The following CEP350 variants were observed in gnomAD, a reference collection of about 807,000 sequenced individuals.
CEP350 encodes the protein centrosome-associated protein 350.
In CEP350, 126 loss-of-function variants were observed where a neutral mutation model predicts 331.8. That is an observed-to-expected ratio of 0.38 (90% CI 0.33 to 0.44). The LOEUF is 0.44. Among genes scored for constraint, CEP350 ranks in the 20% least tolerant of loss-of-function variants. The probability of loss-of-function intolerance (pLI) is 1.00; values close to 1 mark genes in which losing one functional copy is unlikely to be tolerated. For synonymous variants in CEP350, 1,200 were observed against 1,259.5 expected, an observed-to-expected ratio of 0.95 and a Z score of 1.00; for missense variants, 3,406 against 3,634.6, an observed-to-expected ratio of 0.94 and a Z score of 1.62.
At chr1:179,975,074 T>G (rs1335751460) in intron 1 of CEP350, among the ~76,000 whole-genome samples, 1 of 152,120 alleles carries the variant, frequency 6.6e-6, no homozygotes, top group Non-Finnish European at 1.5e-5. Context: ...CTAATTTTAT[T>G]AAGAGCCAGT....
rs891444744 is a variant in CEP350 at position 179,991,127 on chromosome 1, A to AT, written c.235+517dup. 7.2e-3 allele frequency among the ~76,000 whole-genome samples: 1,058 copies of AT among 146,568 alleles called. 11 individuals are homozygous for AT. The highest frequency in any genetic ancestry group is 0.024 in the African/African-American group (983 of 40,210). On this transcript the variant is annotated intron_variant, in intron 4 of 37. Coordinates refer to ENST00000367607, the MANE Select transcript of CEP350 (RefSeq NM_014810.5). ...TTCATTTTGAGGTTATATATGTCTG[A>AT]TTTTTTTTTTTAATTCACAGATATA...
chr1:180,020,750 T>C lies in CEP350; in HGVS notation c.2976T>C (p.Ser992=). ...AAGGGCCTCTTCTTAGTGAGGGGAG[T>C]CTCTCTGAAGAAGAGGGAGACCAGG... ...VSEGPLLSEG[S]LSEEEGDQDG... is the part of the protein sequence containing the mutation. The change falls in exon 12 of 38, where the codon AGT becomes AGC. Residue 992 remains serine, a synonymous_variant. Coordinates refer to ENST00000367607, the MANE Select transcript of CEP350 (RefSeq NM_014810.5). The C allele has an allele frequency of 6.2e-7, 1 of 1,613,788 alleles. No homozygotes were observed. The highest frequency in any genetic ancestry group is 8.5e-7 in the Non-Finnish European group (1 of 1,179,852).
chr1:179,995,555 G>T (rs1402327537), intron 5 of CEP350, among the ~76,000 whole-genome samples: 1 of 152,192 alleles, frequency 6.6e-6, no homozygotes, highest in Non-Finnish European at 1.5e-5. Context: ...CAGTGAGCGA[G>T]ATCGCACCAC....
intron 14 of CEP350, among the ~76,000 whole-genome samples, chr1:180,029,276 T>C (rs1470762585): frequency 6.6e-6 from 1 of 152,184 alleles, no homozygotes; most frequent in Non-Finnish European, 1.5e-5. Flanking sequence ...GAATGTTATC[T>C]TGTCTATAAT....
chr1:180,106,167 G>A (rs1395040268), intron 37 of CEP350, among the ~76,000 whole-genome samples: 5 of 152,126 alleles, frequency 3.3e-5, no homozygotes, highest in African/African-American at 9.7e-5. Context: ...AAAAATCTCC[G>A]TACTGTAGGT....
intron 6 of CEP350, among the ~76,000 whole-genome samples, chr1:179,998,303 CTTTTTTT>C (rs763257368): frequency 1.2e-4 from 13 of 112,064 alleles, no homozygotes; most frequent in Admixed American, 4.3e-4. Flanking sequence ...CTTCTATTTT[CTTTTTTT>C]TTTTTTTTTT....
Position 180,080,681 on chromosome 1 carries a change from G to T in CEP350, c.6124+20G>T. The stretch of plus-strand genomic sequence containing the variant: ...AGTCAGGTAAGACTAATCATGAGGA[G>T]TTTTTATTTGTGTTGTATTTGAACA... On this transcript the variant is annotated intron_variant, in intron 30 of 37. Transcript: ENST00000367607. 6.2e-7 allele frequency: 1 copy of T among 1,607,358 alleles called. No homozygotes were observed. The highest frequency in any genetic ancestry group is 8.5e-7 in the Non-Finnish European group (1 of 1,174,846).
chr1:180,085,878 C>G (rs754627343), intron 31 of CEP350: 23 of 152,110 alleles, frequency 1.5e-4, no homozygotes, highest in Non-Finnish European at 2.5e-4. Context: ...ATTTATGTGC[C>G]AGGAGCTCAG....
At chr1:180,073,903 G>T (rs1186546882) in intron 27 of CEP350, 1 of 1,304,498 alleles carries the variant, frequency 7.7e-7, no homozygotes, top group South Asian at 1.2e-5. Flanking sequence ...ACAACCAGTT[G>T]GTCAGGTAAC....
In CEP350 at chr1:180,011,962, G is replaced by T. The variant is rs569363586; in HGVS notation, c.1280G>T (p.Arg427Leu). 6.2e-7 allele frequency: 1 copy of T among 1,602,518 alleles called. No homozygotes were observed. Among genetic ancestry groups the T allele is most frequent in the African/African-American group, 1.3e-5 (1 of 74,724 alleles). ...CATCTTATAAGTACATCTTCTTGGC[G>T]AGATGGACAAAAATTAGTAAAGAAG... is the stretch of plus-strand genomic sequence containing the variant. ...SSHLISTSSW[R>L]DGQKLVKKIL... is the part of the protein sequence containing the mutation. The change falls in exon 9 of 38, where the codon CGA (arginine) becomes CTA (leucine). Residue 427 changes from arginine to leucine, a missense_variant. Arg to Leu is a moderately radical substitution (Grantham distance 102). This residue lies in a region of CEP350 where 1,857 missense variants were observed against 1,909.2 expected (regional missense o/e 0.97). Coordinates refer to ENST00000367607, the MANE Select transcript of CEP350 (RefSeq NM_014810.5).
chr1:180,094,861 C>T (rs1244306455), intron 34 of CEP350, among the ~76,000 whole-genome samples: 1 of 152,158 alleles, frequency 6.6e-6, no homozygotes, highest in Non-Finnish European at 1.5e-5. Context: ...GTCACAAGCA[C>T]TGGCAGGTTT....
At chr1:179,973,255 C>T (rs1162112224) in intron 1 of CEP350, among the ~76,000 whole-genome samples, 1 of 152,236 alleles carries the variant, frequency 6.6e-6, no homozygotes, top group African/African-American at 2.4e-5. Flanking sequence ...GTAATTCCTG[C>T]AAATAATCTA....
chr1:180,000,976 A>T (rs1218296152), intron 6 of CEP350, among the ~76,000 whole-genome samples: 1 of 152,190 alleles, frequency 6.6e-6, no homozygotes, highest in Non-Finnish European at 1.5e-5. Context: ...AACTGAGGCT[A>T]TTGTGCCTAA....
intron 36 of CEP350, among the ~76,000 whole-genome samples, chr1:180,098,244 C>T (rs554406478): frequency 1.1e-4 from 17 of 152,312 alleles, no homozygotes; most frequent in African/African-American, 3.6e-4. Flanking sequence ...GCTGGGATTA[C>T]AGGCGTGAGC....
At chr1:180,047,511 C>T (rs1657198120) in intron 21 of CEP350, among the ~76,000 whole-genome samples, 1 of 151,944 alleles carries the variant, frequency 6.6e-6, no homozygotes, top group African/African-American at 2.4e-5. Flanking sequence ...AATCCCAGCA[C>T]TTTGGGAGAC....
chr1:179,999,978 C>T (rs985382874), intron 6 of CEP350, among the ~76,000 whole-genome samples: 1 of 151,982 alleles, frequency 6.6e-6, no homozygotes, highest in Non-Finnish European at 1.5e-5. Context: ...TATAAATGCC[C>T]ATGAAGATAA....
chr1:180,065,149 A>C lies in CEP350; in HGVS notation c.5444A>C (p.Lys1815Thr). 6.2e-7 allele frequency: 1 copy of C among 1,611,132 alleles called. No homozygotes were observed. The highest frequency in any genetic ancestry group is 2.2e-5 in the East Asian group (1 of 44,794). The change falls in exon 27 of 38, where the codon AAG (lysine) becomes ACG (threonine). Residue 1815 changes from lysine to threonine, a missense_variant. Around this residue, in one of 5 missense-constraint regions of CEP350, gnomAD observed 1,415 missense variants for 1,512.3 expected, o/e 0.94. Transcript: ENST00000367607. ...SHSDDDTKDNKATSPGPTDLE... is the reference protein window; with the variant it reads ...SHSDDDTKDNTATSPGPTDLE... The stretch of plus-strand genomic sequence containing the variant: ...AGTGATGATGATACAAAGGATAATA[A>C]GGCAACCAGTCCTGGTCCAACTGAC...
chr1:180,030,506 A>G (rs1655959170), intron 14 of CEP350, among the ~76,000 whole-genome samples: 1 of 151,858 alleles, frequency 6.6e-6, no homozygotes, highest in African/African-American at 2.4e-5. Context: ...ATAGTGTACT[A>G]GACTAGAGTC....
chr1:180,099,775 ATTTGATTTTT>A (rs1660691617), intron 37 of CEP350, among the ~76,000 whole-genome samples: 1 of 124,216 alleles, frequency 8.1e-6, no homozygotes, highest in Non-Finnish European at 1.6e-5. Context: ...CTTATGCCTT[ATTTGATTTTT>A]TTTTTTTTTT....
Sources: gnomAD v4.1 joint callset for allele counts (sites outside exome capture counted in the v4.1 genomes callset) on GRCh38, gnomAD v4.1.1 for gene constraint, gnomAD v4.1.1 regional missense constraint, MANE v1.5 for transcripts, NCBI Gene and HGNC (gene_info 2026-07-23, HGNC 2026-07-21) for gene names.